LDB3: variants seen among roughly 807,000 people sequenced by gnomAD.
LDB3 encodes the protein LIM domain-binding protein 3.
In LDB3, 49 loss-of-function variants were observed where a neutral mutation model predicts 69.0. That is an observed-to-expected ratio of 0.71 (90% confidence interval 0.56 to 0.90). LDB3 has a LOEUF of 0.90. LDB3 is among the 40% of genes least tolerant of loss of function. The pLI is 0.00. For missense variants in LDB3, 928 were observed against 974.1 expected, an observed-to-expected ratio of 0.95 and a Z score of 0.63; for synonymous variants, 387 against 396.2, an observed-to-expected ratio of 0.98 and a Z score of 0.28.
intron 7 of LDB3, 74 bp from the exon 8 acceptor site, chr10:86,706,457 G>A: frequency 6.6e-7 from 1 of 1,519,804 alleles, no homozygotes; most frequent in Non-Finnish European, 9.1e-7. Flanking sequence ...GCAGCCACCT[G>A]CCCCCATGCA....
In LDB3 at chr10:86,679,410, G is replaced by T; in HGVS notation, c.137G>T (p.Gly46Val). The change falls in exon 3 of 14, where the codon GGT becomes GTT. Residue 46 changes from glycine (G) to valine (V), a missense_variant. By Grantham distance (109) the Gly-to-Val change is moderately radical. Transcript: ENST00000361373. ...GCAGCCCAGTCCCAGCTCAGCCAGG[G>T]TGACCTCGTGGTGGCCATTGACGGC... is the stretch of plus-strand genomic sequence containing the variant. ...SKAAQSQLSQ[G>V]DLVVAIDGVN... 1 of 1,614,162 alleles carries T rather than the reference G, an allele frequency of 6.2e-7. No individual in the cohort carries two copies. The highest frequency in any genetic ancestry group is 8.5e-7 in the Non-Finnish European group (1 of 1,180,044).
chr10:86,671,999 C>A (rs1176063608), intron 2 of LDB3, among the ~76,000 whole-genome samples: 3 of 152,288 alleles, frequency 2.0e-5, no homozygotes, highest in African/African-American at 4.8e-5. Context: ...GTGATCCCAG[C>A]TACTCAAGAG....
At chr10:86,715,066 C>G (rs577023649) in intron 9 of LDB3, among the ~76,000 whole-genome samples, 1 of 152,296 alleles carries the variant, frequency 6.6e-6, no homozygotes, top group East Asian at 1.9e-4. Context: ...CTGCCCCAGG[C>G]GGTCCAGGGG....
At chr10:86,682,001 G>A (rs903095370) in intron 5 of LDB3, among the ~76,000 whole-genome samples, 198 bp downstream of exon 5, 2 of 152,222 alleles carry the variant, frequency 1.3e-5, no homozygotes, top group African/African-American at 4.8e-5. Context: ...AACCACGCTG[G>A]GGTGACATGT....
chr10:86,707,134 T>TG (rs1846475960), intron 8 of LDB3, among the ~76,000 whole-genome samples: 2 of 152,160 alleles, frequency 1.3e-5, no homozygotes, highest in South Asian at 4.2e-4. Flanking sequence ...GTTGTCCCTG[T>TG]GGGCTGGAGA....
At chr10:86,668,391 G>A (rs899155326), upstream of LDB3, 18 of 481,352 alleles carry the variant, frequency 3.7e-5, no homozygotes, top group Non-Finnish European at 6.2e-5. Context: ...TATATTAGCC[G>A]TGTGAGTCAT....
At chr10:86,726,331 C>A in intron 13 of LDB3, 79 bp downstream of exon 13, 1 of 1,037,968 alleles carries the variant, frequency 9.6e-7, no homozygotes, top group East Asian at 2.5e-5. Context: ...CCAACCTCTA[C>A]ATACCTTGCC....
At chr10:86,687,701 T>C (rs922399897) in intron 5 of LDB3, among the ~76,000 whole-genome samples, 1 of 152,140 alleles carries the variant, frequency 6.6e-6, no homozygotes, top group Non-Finnish European at 1.5e-5. Flanking sequence ...ACTGGCTGGG[T>C]TTCTGGTTTG....
intron 7 of LDB3, among the ~76,000 whole-genome samples, chr10:86,702,028 G>A (rs983535403): frequency 3.9e-5 from 6 of 152,150 alleles, no homozygotes; most frequent in Non-Finnish European, 7.4e-5. Flanking sequence ...GCATTCCTGG[G>A]GCAAAGTGAT....
rs776235220 is a variant in LDB3 at position 86,681,833 on chromosome 10, G to T, written c.689+30G>T. ...GTAACGGACATACAGCTCTCCACAG[G>T]TGGCCTGGGCCACCTGGGTCCTCGG... On this transcript the variant is annotated intron_variant, in intron 5 of 13. Transcript: ENST00000361373. The T allele has an allele frequency of 1.4e-5, 22 of 1,554,518 alleles. 1 individual carries two copies. The Admixed American group carries it at 4.3e-4, about 30-fold the overall frequency.
chr10:86,711,552 C>A (rs1846666176), intron 9 of LDB3, among the ~76,000 whole-genome samples: 1 of 152,070 alleles, frequency 6.6e-6, no homozygotes, highest in Admixed American at 6.5e-5. Context: ...CGTGTGGTCC[C>A]GAGCCCCCCT....
rs979678679 is a variant in LDB3 at position 86,718,736 on chromosome 10, C to T, written c.1867C>T (p.His623Tyr). ...CNTKIMGEVM[H>Y]ALRQTWHTTC... ...AGGCTCTTTCCCCCAGGAAGTAATG[C>T]ATGCCTTGAGACAGACATGGCACAC... Residue 623 changes from histidine to tyrosine, a missense_variant, in exon 12 of 14, where the codon CAT becomes TAT. His to Tyr is a moderately conservative substitution (Grantham distance 83, BLOSUM62 2). Transcript: ENST00000361373. 2.5e-6 allele frequency: 4 copies of T among 1,614,088 alleles called. No individual in the cohort carries two copies.
chr10:86,668,665 G>T lies in LDB3; in HGVS notation c.-23-4G>T, dbSNP rs1174667925. The T allele has an allele frequency of 5.7e-6, 9 of 1,590,964 alleles. No individual in the cohort carries two copies. The highest frequency in any genetic ancestry group is 7.8e-6 in the Non-Finnish European group (9 of 1,159,754). On this transcript the variant is annotated splice_polypyrimidine_tract_variant and splice_region_variant and intron_variant, in intron 1 of 13. Transcript: ENST00000361373. ...ACTCAACCCTCTCTACCCTTTGTCT[G>T]CAGAGGCGGCCGCTGACAGCACCAG...
intron 7 of LDB3, among the ~76,000 whole-genome samples, chr10:86,705,016 A>T (rs1328431038): frequency 6.6e-6 from 1 of 152,180 alleles, no homozygotes; most frequent in Admixed American, 6.5e-5. Context: ...ACGCCTGGCT[A>T]GGGTAATTTC....
chr10:86,676,826 T>TC (rs2132350706), intron 2 of LDB3, among the ~76,000 whole-genome samples: 1 of 152,350 alleles, frequency 6.6e-6, no homozygotes, highest in South Asian at 2.1e-4. Flanking sequence ...GGAAGGGGCT[T>TC]CCCTGTGAGG....
chr10:86,729,386 A>G (rs1268816659), intron 13 of LDB3, among the ~76,000 whole-genome samples: 1 of 152,176 alleles, frequency 6.6e-6, no homozygotes, highest in Non-Finnish European at 1.5e-5. Context: ...ACCTTAGTGG[A>G]GGAAAAATGT....
At chr10:86,725,220 TG>T (rs1247807272) in intron 12 of LDB3, among the ~76,000 whole-genome samples, 2 of 152,222 alleles carry the variant, frequency 1.3e-5, no homozygotes, top group African/African-American at 2.4e-5. Flanking sequence ...GTAGCCCCTT[TG>T]GGCCTAGAGA....
Position 86,716,425 on chromosome 10 carries a change from GCCTACACCCCCTCACCTGTCCCCA to G in LDB3, c.1338_1361del (p.Val450_Pro457del). 1.1e-6 allele frequency: 1 copy of G among 951,994 alleles called. No individual in the cohort carries two copies. Among genetic ancestry groups the G allele is most frequent in the Non-Finnish European group, 1.3e-6 (1 of 762,616 alleles). The allele number at this position is 951,994 out of a possible 1,614,324, so 59.0% of individuals were successfully genotyped here. A position where few individuals can be genotyped will look rare whatever the true frequency, so the allele number is the denominator to read the frequency against. ...TGCCTACACCCCCTCCCCTGCCCCT[GCCTACACCCCCTCACCTGTCCCCA>G]CCTACACTCCATCCCCAGCACCAGC... On this transcript the variant is annotated inframe_deletion, in exon 10 of 14. Transcript: ENST00000361373.
At position 86,718,286 on chromosome 10, in the gene LDB3, G is replaced by T. The variant is rs544442243; in HGVS notation, c.1857+142G>T. ...TTTTATCCTAAAAGGGAATTGGTTT[G>T]CCACCAATAAACTTGGGGATAAATG... On this transcript the variant is annotated intron_variant, in intron 11 of 13. Transcript: ENST00000361373. 18 of 800,934 alleles carry T rather than the reference G, an allele frequency of 2.2e-5. No individual in the cohort carries two copies. In the African/African-American group the frequency reaches 3.0e-4, roughly 14 times the overall value. 49.6% of individuals were successfully genotyped at this position (800,934 alleles called of 1,614,324 possible).
Sources: gnomAD v4.1 joint callset for allele counts (sites outside exome capture counted in the v4.1 genomes callset) on GRCh38, gnomAD v4.1.1 for gene constraint, MANE v1.5 for transcripts, NCBI Gene and HGNC (gene_info 2026-07-23, HGNC 2026-07-21) for gene names.